Variants in DNAH6 observed in about 807,000 individuals in gnomAD.
DNAH6 encodes axonemal beta dynein heavy chain 6.
Under a neutral mutation model 491.4 loss-of-function variants are expected in DNAH6, and 340 were observed. The observed-to-expected ratio is 0.69, with a 90% CI of 0.63 to 0.76. The LOEUF (loss-of-function observed/expected upper bound fraction) is 0.76. Ranked by LOEUF, DNAH6 falls within the 30% of genes least tolerant of loss-of-function variation. The pLI, the probability that DNAH6 is intolerant of heterozygous loss-of-function variation, is 0.00. For missense variants in DNAH6, 4,443 were observed against 4,972.2 expected, an observed-to-expected ratio of 0.89 and a Z score of 3.20; for synonymous variants, 1,603 against 1,686.1, an observed-to-expected ratio of 0.95 and a Z score of 1.21.
At chr2:84,611,602 A>G in intron 21 of DNAH6, 72 bp from the exon 22 acceptor site, 1 of 1,311,316 alleles carries the variant, frequency 7.6e-7, no homozygotes, top group Non-Finnish European at 1.1e-6. Flanking sequence ...TCCCTGTGTC[A>G]TGATTTTTAC....
chr2:84,577,911 A>G (rs72939191), intron 13 of DNAH6, among the ~76,000 whole-genome samples: 1,680 of 152,326 alleles, frequency 0.011, 28 homozygotes, highest in African/African-American at 0.037. Flanking sequence ...TGCCCACAGA[A>G]AGACAATGAT....
In DNAH6 at chr2:84,762,795, G is replaced by A; in HGVS notation, c.10553G>A (p.Gly3518Glu). 2 of 1,550,768 alleles carry A rather than the reference G, an allele frequency of 1.3e-6. No individual in the cohort carries two copies. Among genetic ancestry groups the A allele is most frequent in the Non-Finnish European group, 1.7e-6 (2 of 1,146,614 alleles). ...ALTDFVIENL[G>E]KQFIETPPVD... ...ACAGACTTTGTGATAGAAAATCTTG[G>A]AAAACAGTTTATAGAGACACCACCT... Residue 3518 changes from glycine (G) to glutamate (E), a missense_variant, in exon 64 of 77, where the codon GGA becomes GAA. Physicochemically the swap from Gly to Glu is moderately conservative, Grantham distance 98. This residue lies in a region of DNAH6 where 1,463 missense variants were observed against 1,656.6 expected (regional missense o/e 0.88). Transcript: ENST00000389394.
intron 60 of DNAH6, among the ~76,000 whole-genome samples, chr2:84,723,570 G>A (rs1698371522): frequency 6.6e-6 from 1 of 152,196 alleles, no homozygotes; most frequent in African/African-American, 2.4e-5. Context: ...GTTTTCTGTT[G>A]TATCTCAAGT....
Position 84,528,954 on chromosome 2 carries a change from A to C in DNAH6, c.450A>C (p.Pro150=). 6.4e-7 allele frequency: 1 copy of C among 1,550,600 alleles called. No homozygotes were observed. The highest frequency in any genetic ancestry group is 8.7e-7 in the Non-Finnish European group (1 of 1,146,590). The change falls in exon 4 of 77, where the codon CCA becomes CCC. Residue 150 remains proline, a synonymous_variant. Transcript: ENST00000389394. ...EVFSPSPPKL[P]HTGIGKRGLF... Reference sequence around the variant, plus strand: ...TCTCTCCCTCTCCTCCTAAACTGCCACATACTGGTATTGGAAAAAGAGGTC... The same window carrying C: ...TCTCTCCCTCTCCTCCTAAACTGCCCCATACTGGTATTGGAAAAAGAGGTC...
the DNAH6 span, among the ~76,000 whole-genome samples, chr2:84,502,173 C>G: frequency 1.3e-5 from 2 of 152,016 alleles, no homozygotes; most frequent in Admixed American, 1.3e-4. Context: ...ATAAACGTCC[C>G]TCTTGGTACC....
intron 68 of DNAH6, among the ~76,000 whole-genome samples, chr2:84,789,037 G>A (rs539874770): frequency 2.0e-5 from 3 of 152,158 alleles, no homozygotes; most frequent in South Asian, 2.1e-4. Context: ...TCAAATTTAC[G>A]GTGAAGCTTG....
intron 18 of DNAH6, among the ~76,000 whole-genome samples, chr2:84,598,127 T>TTTTTTC (rs1553438005): frequency 2.7e-5 from 3 of 109,314 alleles, no homozygotes; most frequent in Admixed American, 1.0e-4. Flanking sequence ...TCTATCTTTC[T>TTTTTTC]TTTCTTTCTT....
At chr2:84,606,135 T>G (rs1685738776) in intron 20 of DNAH6, among the ~76,000 whole-genome samples, 1 of 152,218 alleles carries the variant, frequency 6.6e-6, no homozygotes, top group Non-Finnish European at 1.5e-5. Context: ...CTTTCTCATT[T>G]AAAATCTGAA....
chr2:84,470,043 T>C, the DNAH6 span, among the ~76,000 whole-genome samples: 1,019 of 152,272 alleles, frequency 6.7e-3, 9 homozygotes, highest in Non-Finnish European at 7.9e-3. Flanking sequence ...CCAATCCCAT[T>C]CTTTACCTGA....
intron 61 of DNAH6, among the ~76,000 whole-genome samples, chr2:84,729,065 T>A (rs1319920079): frequency 6.6e-6 from 1 of 152,086 alleles, no homozygotes; most frequent in African/African-American, 2.4e-5. Context: ...CGAGACAAGA[T>A]CTCTCCACCA....
chr2:84,633,719 T>G (rs1315429483), intron 29 of DNAH6, among the ~76,000 whole-genome samples: 1 of 151,834 alleles, frequency 6.6e-6, no homozygotes, highest in Non-Finnish European at 1.5e-5. Context: ...AAAACCTTCT[T>G]CCTGCTGGCT....
At chr2:84,776,340 T>C (rs1676121433) in intron 64 of DNAH6, among the ~76,000 whole-genome samples, 1 of 152,186 alleles carries the variant, frequency 6.6e-6, no homozygotes, top group Admixed American at 6.5e-5. Flanking sequence ...TACTGACCAG[T>C]TTAGGACTAC....
the DNAH6 span, among the ~76,000 whole-genome samples, chr2:84,497,938 G>C: frequency 6.6e-6 from 1 of 152,142 alleles, no homozygotes; most frequent in South Asian, 2.1e-4. Context: ...CCTACCCTTT[G>C]GCATATTGCC....
At chr2:84,533,634 A>G (rs751556275) in intron 4 of DNAH6, among the ~76,000 whole-genome samples, 4 of 152,170 alleles carry the variant, frequency 2.6e-5, no homozygotes, top group Non-Finnish European at 4.4e-5. Context: ...GGGCATATCT[A>G]TCCAAAAATC....
chr2:84,681,474 C>T lies in DNAH6; in HGVS notation c.6862C>T (p.Pro2288Ser), dbSNP rs1270555270. 21 of 1,551,088 alleles carry T rather than the reference C, an allele frequency of 1.4e-5. No individual in the cohort carries two copies. The highest frequency in any genetic ancestry group is 1.8e-5 in the Non-Finnish European group (21 of 1,146,804). Reference protein sequence around the residue: ...NKMSVDLLPTPAKSHYVFNLR... With the variant: ...NKMSVDLLPTSAKSHYVFNLR... ...AATGAGTGTTGACCTCCTGCCAACACCCGCCAAGTCCCATTATGTCTTTAA... is the reference window on the plus strand; with the variant it reads ...AATGAGTGTTGACCTCCTGCCAACATCCGCCAAGTCCCATTATGTCTTTAA... The change falls in exon 42 of 77, where the codon CCC becomes TCC. Residue 2288 changes from proline to serine, a missense_variant. Pro to Ser is a moderately conservative substitution (Grantham distance 74). Coordinates refer to ENST00000389394, the MANE Select transcript of DNAH6 (RefSeq NM_001370.2).
chr2:84,687,435 A>T (rs971646566), intron 44 of DNAH6, among the ~76,000 whole-genome samples: 3 of 152,214 alleles, frequency 2.0e-5, no homozygotes, highest in African/African-American at 7.2e-5. Flanking sequence ...TCTTTATATT[A>T]TATGTAGACA....
intron 33 of DNAH6, among the ~76,000 whole-genome samples, chr2:84,642,757 C>T (rs934997763): frequency 3.9e-5 from 6 of 152,066 alleles, no homozygotes; most frequent in Admixed American, 3.9e-4. Context: ...TCCCTTCTAT[C>T]CTAATTCCTC....
Position 84,637,285 on chromosome 2 carries a change from G to T in DNAH6, c.4729G>T (p.Gly1577Cys), listed in dbSNP as rs1470978743. The change falls in exon 31 of 77, where the codon GGC (glycine) becomes TGC (cysteine). Residue 1577 changes from glycine (G) to cysteine (C), a missense_variant. Gly to Cys is a radical substitution (Grantham distance 159, BLOSUM62 -3). Around this residue, in one of 3 missense-constraint regions of DNAH6, gnomAD observed 2,977 missense variants for 3,296.6 expected, o/e 0.90. Coordinates refer to ENST00000389394, the MANE Select transcript of DNAH6 (RefSeq NM_001370.2). ...TCAAFITMNP[G>C]YAGRTELPDN... The stretch of plus-strand genomic sequence containing the variant: ...TGCAGCCTTCATCACAATGAATCCT[G>T]GCTATGCAGGGAGAACTGAATTGCC... 1 of 1,551,290 alleles carries T rather than the reference G, an allele frequency of 6.4e-7. No individual in the cohort carries two copies. The highest frequency in any genetic ancestry group is 1.2e-5 in the South Asian group (1 of 83,980).
chr2:84,619,946 C>A, intron 24 of DNAH6, 42 bp downstream of exon 24: 1 of 1,468,916 alleles, frequency 6.8e-7, no homozygotes, highest in Non-Finnish European at 9.3e-7. Flanking sequence ...ATGAACTTTG[C>A]TACTCCTCTA....
Sources: gnomAD v4.1 joint callset for allele counts (sites outside exome capture counted in the v4.1 genomes callset) on GRCh38, gnomAD v4.1.1 for gene constraint, gnomAD v4.1.1 regional missense constraint, MANE v1.5 for transcripts, NCBI Gene and HGNC (gene_info 2026-07-23, HGNC 2026-07-21) for gene names.